GPC4: variants seen among roughly 807,000 people sequenced by gnomAD.
GPC4 encodes the protein glypican 4, also known as glypican-4.
A neutral mutation model predicts 35.0 loss-of-function variants in GPC4; 10 were observed. The observed-to-expected ratio is 0.29, with a 90% confidence interval of 0.18 to 0.48. The LOEUF (loss-of-function observed/expected upper bound fraction) is 0.48, where lower values mean the gene tolerates loss of function less well. GPC4 is among the 20% of genes least tolerant of loss of function. GPC4 has a pLI of 0.99. For synonymous variants in GPC4, 167 were observed against 170.2 expected, an observed-to-expected ratio of 0.98 and a Z score of 0.15; for missense variants, 322 against 451.3, an observed-to-expected ratio of 0.71 and a Z score of 2.60.
intron 2 of GPC4, among the ~76,000 whole-genome samples, chrX:133,333,037 G>C (rs769370825): frequency 8.9e-6 from 1 of 112,382 alleles, no homozygotes; most frequent in South Asian, 3.8e-4. Flanking sequence ...TCTTTCGAGA[G>C]AGGGTGATGA....
chrX:133,303,925 G>T, intron 7 of GPC4, among the ~76,000 whole-genome samples: 1 of 106,561 alleles, frequency 9.4e-6, no homozygotes, highest in Non-Finnish European at 1.9e-5. Context: ...AAGGAAGGAA[G>T]GAAGGAAGGA....
chrX:133,377,679 T>C (rs2068640083), intron 1 of GPC4, among the ~76,000 whole-genome samples: 1 of 110,712 alleles, frequency 9.0e-6, no homozygotes, highest in African/African-American at 3.3e-5. Context: ...CTCAATGAGG[T>C]AGGTACAGAA....
intron 1 of GPC4, among the ~76,000 whole-genome samples, chrX:133,407,800 C>G (rs969018315): frequency 4.4e-5 from 5 of 112,642 alleles, no homozygotes; most frequent in Admixed American, 3.8e-4. Flanking sequence ...CCTGAAGCAG[C>G]CTCTTTTACT....
Position 133,301,983 on chromosome X carries a change from G to T in GPC4, c.*884C>A, listed in dbSNP as rs771321471. ...CAGGGTGGGCTAGCTAACCTGCCTGGTTTTAAAAAAAAACACCCCTAAACC... is the reference window on the plus strand; with the variant it reads ...CAGGGTGGGCTAGCTAACCTGCCTGTTTTTAAAAAAAAACACCCCTAAACC... On this transcript the variant is annotated 3_prime_UTR_variant, in exon 9 of 9. Transcript: ENST00000370828. The T allele has an allele frequency of 1.8e-5, 2 of 109,834 alleles. No homozygotes were observed. The highest frequency in any genetic ancestry group is 3.3e-5 in the African/African-American group (1 of 30,177). The allele number at this position is 109,834 out of a possible 1,213,427, so 9.1% of individuals were successfully genotyped here.
intron 2 of GPC4, among the ~76,000 whole-genome samples, chrX:133,337,729 G>A (rs2223639): frequency 0.43 from 46,899 of 109,722 alleles, 9,432 homozygotes; most frequent in African/African-American, 0.79. Context: ...GCCATGGTCA[G>A]GAAAACACCA....
rs1422188004 is a variant in GPC4, at chrX:133,301,493, C to T, written c.*1374G>A. ...CAACAGATATGGCCATGGCCTTTGC[C>T]ACTTCACCCACGTGGCTAAAGGTCA... On this transcript the variant is annotated 3_prime_UTR_variant, in exon 9 of 9. Coordinates refer to ENST00000370828, the MANE Select transcript of GPC4 (RefSeq NM_001448.3). The T allele has an allele frequency of 8.9e-6, 1 of 112,624 alleles. No individual in the cohort carries two copies. 9.3% of individuals were successfully genotyped at this position (112,624 alleles called of 1,213,427 possible).
chrX:133,354,985 G>A (rs1333859906), intron 1 of GPC4, among the ~76,000 whole-genome samples: 1 of 112,406 alleles, frequency 8.9e-6, no homozygotes, highest in Non-Finnish European at 1.9e-5. Context: ...TCTGAAATCA[G>A]TTTCAATGTG....
chrX:133,378,492 T>G (rs1158098860), intron 1 of GPC4, among the ~76,000 whole-genome samples: 1 of 104,055 alleles, frequency 9.6e-6, no homozygotes, highest in Non-Finnish European at 1.9e-5. Flanking sequence ...AGGAGAATGG[T>G]GTGAACCCTG....
Position 133,352,827 on chromosome X carries a change from G to A in GPC4, c.161-13486C>T, listed in dbSNP as rs748187777. On this transcript the variant is annotated intron_variant, in intron 1 of 8. Coordinates refer to ENST00000370828, the MANE Select transcript of GPC4 (RefSeq NM_001448.3). ...AAAAGGTGCCTGAACTCAAAGGCAA[G>A]GTATTGATTAGCCAATTCTTCAACT... Among the ~76,000 whole-genome samples, 8 of 111,361 alleles carry A rather than the reference G, an allele frequency of 7.2e-5. No individual in the cohort carries two copies. The East Asian group carries it at 1.7e-3, about 24-fold the overall frequency.
chrX:133,315,258 G>A (rs777240785), intron 3 of GPC4, among the ~76,000 whole-genome samples: 1 of 110,031 alleles, frequency 9.1e-6, no homozygotes, highest in South Asian at 4.0e-4. Context: ...AGAGCATTTC[G>A]GATCTTAAAT....
intron 1 of GPC4, among the ~76,000 whole-genome samples, chrX:133,365,610 G>A (rs1569351000): frequency 8.9e-6 from 1 of 111,826 alleles, no homozygotes; most frequent in African/African-American, 3.2e-5. Flanking sequence ...CCAACGAACA[G>A]CTCTATCACA....
intron 3 of GPC4, among the ~76,000 whole-genome samples, chrX:133,320,156 T>A (rs1327545485): frequency 8.9e-6 from 1 of 111,996 alleles, no homozygotes. Flanking sequence ...AAACTTTATT[T>A]TCAGCTAAAC....
intron 1 of GPC4, among the ~76,000 whole-genome samples, chrX:133,381,208 T>G (rs188540409): frequency 1.8e-5 from 2 of 112,136 alleles, no homozygotes; most frequent in Non-Finnish European, 3.8e-5. Context: ...ACTATGAGGA[T>G]GAAAGGAACA....
intron 3 of GPC4, among the ~76,000 whole-genome samples, chrX:133,323,610 G>C (rs1382673807): frequency 8.9e-6 from 1 of 112,714 alleles, no homozygotes; most frequent in African/African-American, 3.2e-5. Context: ...TAATTCTGCA[G>C]AGTCATGAGT....
intron 1 of GPC4, among the ~76,000 whole-genome samples, chrX:133,382,333 G>A (rs2068664371): frequency 9.5e-6 from 1 of 105,399 alleles, no homozygotes; most frequent in Non-Finnish European, 1.9e-5. Flanking sequence ...GGCTGAGGCA[G>A]GAGAATGGCG....
chrX:133,399,593 C>T (rs2068759724), intron 1 of GPC4, among the ~76,000 whole-genome samples: 1 of 112,308 alleles, frequency 8.9e-6, no homozygotes, highest in Non-Finnish European at 1.9e-5. Context: ...AATCAGGGCT[C>T]ACTTGTATCA....
chrX:133,335,036 G>A (rs2068435855), intron 2 of GPC4, among the ~76,000 whole-genome samples: 1 of 111,482 alleles, frequency 9.0e-6, no homozygotes, highest in Non-Finnish European at 1.9e-5. Flanking sequence ...ATTTGGGGGC[G>A]GGTCTTTATG....
chrX:133,377,704 T>TC (rs775429365), intron 1 of GPC4, among the ~76,000 whole-genome samples: 2 of 108,958 alleles, frequency 1.8e-5, no homozygotes, highest in Non-Finnish European at 3.8e-5. Context: ...TATCTTATCC[T>TC]CCCCCCCTTT....
intron 1 of GPC4, among the ~76,000 whole-genome samples, chrX:133,398,178 C>T (rs939665507): frequency 9.0e-6 from 1 of 111,669 alleles, no homozygotes; most frequent in African/African-American, 3.3e-5. Flanking sequence ...TTTAAGCAAA[C>T]TTGCCCCTTG....
Sources: gnomAD v4.1 joint callset for allele counts (sites outside exome capture counted in the v4.1 genomes callset) on GRCh38, gnomAD v4.1.1 for gene constraint, MANE v1.5 for transcripts, NCBI Gene and HGNC (gene_info 2026-07-23, HGNC 2026-07-21) for gene names.